The following CUBN variants were observed in gnomAD, a reference collection of about 807,000 sequenced individuals.
CUBN encodes 460 kDa receptor.
A neutral mutation model predicts 405.3 loss-of-function variants in CUBN; 282 were observed. That is an observed-to-expected ratio of 0.70 (90% confidence interval 0.63 to 0.77). CUBN has a LOEUF of 0.77. CUBN is among the 30% of genes least tolerant of loss of function. The pLI is 0.00. For missense variants in CUBN, 4,514 were observed against 4,475.2 expected (o/e 1.01, Z -0.25); for synonymous variants, 1,684 against 1,617.0 (o/e 1.04, Z -0.99).
rs7090024 is a variant in CUBN, at chr10:17,001,690, G to A, written c.4169-11175C>T. Among the ~76,000 whole-genome samples the A allele has an allele frequency of 7.4e-3, 1,120 of 152,224 alleles. 21 individuals are homozygous for A. The highest frequency in any genetic ancestry group is 0.025 in the African/African-American group (1,053 of 41,532). On this transcript the variant is annotated intron_variant, in intron 28 of 66. Coordinates refer to ENST00000377833, the MANE Select transcript of CUBN (RefSeq NM_001081.4). ...TGTCAATTAAACCAATGCACTAAGCGTTTAATCATATTTTCATTCACTCTT... is the reference window on the plus strand; with the variant it reads ...TGTCAATTAAACCAATGCACTAAGCATTTAATCATATTTTCATTCACTCTT...
At chr10:17,121,602 C>T (rs1017574248) in intron 6 of CUBN, among the ~76,000 whole-genome samples, 2 of 150,868 alleles carry the variant, frequency 1.3e-5, no homozygotes, top group Admixed American at 6.6e-5. Flanking sequence ...TGCTAAATGA[C>T]GAGTTAATGG....
intron 43 of CUBN, 109 bp from the exon 44 acceptor site, chr10:16,920,246 T>C: frequency 8.9e-7 from 1 of 1,118,326 alleles, no homozygotes; most frequent in Non-Finnish European, 1.3e-6. Flanking sequence ...CTCCATTTCC[T>C]TTCATCTGTT....
Position 17,020,646 on chromosome 10 carries a change from T to A in CUBN, c.4018-663A>T, listed in dbSNP as rs1196545349. Among the ~76,000 whole-genome samples, 4 of 152,304 alleles carry A rather than the reference T, an allele frequency of 2.6e-5. No individual in the cohort carries two copies. The South Asian group carries it at 6.2e-4, about 24-fold the overall frequency. ...TACTTTTTTCATTTGTATATATGTG[T>A]AATATACCTATTTGTGCAGGTGTAT... On this transcript the variant is annotated intron_variant, in intron 27 of 66. Coordinates refer to ENST00000377833, the MANE Select transcript of CUBN (RefSeq NM_001081.4).
intron 34 of CUBN, among the ~76,000 whole-genome samples, chr10:16,949,236 G>T (rs1842859545): frequency 6.6e-6 from 1 of 152,160 alleles, no homozygotes; most frequent in South Asian, 2.1e-4. Context: ...ACTAACAAAT[G>T]CTGTGAGAGG....
intron 59 of CUBN, among the ~76,000 whole-genome samples, chr10:16,855,287 T>C (rs560117672): frequency 6.6e-6 from 1 of 152,094 alleles, no homozygotes; most frequent in South Asian, 2.1e-4. Context: ...CTCTTTGCAC[T>C]GCACTAAAAT....
intron 48 of CUBN, among the ~76,000 whole-genome samples, chr10:16,909,900 CTG>C (rs1287881561): frequency 1.3e-5 from 2 of 152,174 alleles, no homozygotes; most frequent in African/African-American, 4.8e-5. Flanking sequence ...TTTTCTCTGT[CTG>C]TACAGAGAGT....
chr10:17,117,938 C>G (rs181675276), intron 6 of CUBN, among the ~76,000 whole-genome samples: 530 of 152,298 alleles, frequency 3.5e-3, no homozygotes, highest in Non-Finnish European at 6.0e-3. Flanking sequence ...ATATTGCAGT[C>G]TACAGGCATT....
chr10:16,961,750 G>A (rs934081606), intron 31 of CUBN, among the ~76,000 whole-genome samples: 2 of 117,228 alleles, frequency 1.7e-5, no homozygotes, highest in African/African-American at 3.3e-5. Context: ...CTCGCTCTGT[G>A]GCCCAGGCTG....
At chr10:17,015,992 G>A (rs61842853) in intron 28 of CUBN, among the ~76,000 whole-genome samples, 16,917 of 152,004 alleles carry the variant, frequency 0.11, 1,012 homozygotes, top group East Asian at 0.17. Context: ...ATAGAACACC[G>A]AGGTTACCAG....
chr10:16,879,854 T>C (rs937634423), intron 56 of CUBN, among the ~76,000 whole-genome samples: 19 of 152,112 alleles, frequency 1.2e-4, no homozygotes, highest in African/African-American at 3.9e-4. Flanking sequence ...AGAATAGGAA[T>C]AGATGAGCAA....
chr10:16,828,122 A>G (rs1838845691), intron 66 of CUBN, among the ~76,000 whole-genome samples: 1 of 152,120 alleles, frequency 6.6e-6, no homozygotes, highest in Non-Finnish European at 1.5e-5. Flanking sequence ...AGAAATAAAC[A>G]TGGGTATTCA....
chr10:16,916,353 T>G (rs1317359074), intron 45 of CUBN, among the ~76,000 whole-genome samples: 1 of 152,150 alleles, frequency 6.6e-6, no homozygotes, highest in Non-Finnish European at 1.5e-5. Flanking sequence ...CGCAAGTAAG[T>G]TTCATCTCAA....
chr10:17,082,323 C>T (rs941106427), intron 17 of CUBN, among the ~76,000 whole-genome samples: 6 of 152,322 alleles, frequency 3.9e-5, no homozygotes, highest in African/African-American at 1.4e-4. Flanking sequence ...GGTGAACTAA[C>T]TTTAATCCCC....
intron 13 of CUBN, among the ~76,000 whole-genome samples, chr10:17,101,686 A>G (rs551893877): frequency 2.0e-5 from 3 of 152,282 alleles, no homozygotes; most frequent in Non-Finnish European, 4.4e-5. Context: ...TAAGAGCACT[A>G]AAAACCTTGG....
intron 28 of CUBN, among the ~76,000 whole-genome samples, chr10:17,006,412 C>T (rs982324918): frequency 2.6e-5 from 4 of 152,120 alleles, no homozygotes; most frequent in Non-Finnish European, 4.4e-5. Flanking sequence ...TCACACAAGA[C>T]AAGTGGATAA....
At chr10:16,986,679 T>C (rs1833436026) in intron 29 of CUBN, among the ~76,000 whole-genome samples, 1 of 152,102 alleles carries the variant, frequency 6.6e-6, no homozygotes, top group Non-Finnish European at 1.5e-5. Flanking sequence ...CGTACACATA[T>C]GCAAATGGCA....
At chr10:16,831,794 G>T (rs1192762928) in intron 64 of CUBN, among the ~76,000 whole-genome samples, 6 of 152,102 alleles carry the variant, frequency 3.9e-5, no homozygotes, top group Admixed American at 2.0e-4. Context: ...GGGCAATGTT[G>T]CCTGCTCTGC....
chr10:17,071,840 A>G lies in CUBN; in HGVS notation c.2433T>C (p.Ala811=), dbSNP rs1238796038. The change falls in exon 18 of 67, where the codon GCT becomes GCC. Residue 811 remains alanine, a synonymous_variant. Transcript: ENST00000377833. The stretch of plus-strand genomic sequence containing the variant: ...ATGTTTCCTTACCGACTTGATAAAC[A>G]GCTCTGAAACTAGCTTTTTCAACAG... ...DASVEKASFR[A]VYQVACGDEL... is the part of the protein sequence containing the mutation. The G allele has an allele frequency of 6.2e-7, 1 of 1,612,552 alleles. No homozygotes were observed. The highest frequency in any genetic ancestry group is 8.5e-7 in the Non-Finnish European group (1 of 1,179,710).
chr10:17,124,231 T>C (rs1837114832), intron 4 of CUBN, among the ~76,000 whole-genome samples: 1 of 152,080 alleles, frequency 6.6e-6, no homozygotes, highest in African/African-American at 2.4e-5. Flanking sequence ...CTAAGACATA[T>C]CTTTCACCCT....
Sources: allele counts gnomAD v4.1 joint callset (sites outside exome capture counted in the v4.1 genomes callset), GRCh38; gene constraint gnomAD v4.1.1; transcripts MANE v1.5; gene names NCBI Gene and HGNC (gene_info 2026-07-23, HGNC 2026-07-21).